WRN: variants seen among roughly 807,000 people sequenced by gnomAD.
WRN encodes bifunctional 3'-5' exonuclease/ATP-dependent helicase WRN.
Under a neutral mutation model 180.7 loss-of-function variants are expected in WRN, and 149 were observed. That is an observed-to-expected ratio of 0.82 (90% CI 0.72 to 0.94). The LOEUF (loss-of-function observed/expected upper bound fraction) is 0.94, where lower values mean the gene tolerates loss of function less well. Ranked by LOEUF, WRN falls within the 40% of genes least tolerant of loss-of-function variation. The pLI is 0.00. For synonymous variants in WRN, 548 were observed against 568.9 expected, an observed-to-expected ratio of 0.96 and a Z score of 0.52; for missense variants, 1,661 against 1,700.1, an observed-to-expected ratio of 0.98 and a Z score of 0.40.
intron 30 of WRN, 113 bp downstream of exon 30, chr8:31,147,589 ACT>A: frequency 6.2e-6 from 6 of 974,788 alleles, no homozygotes; most frequent in Non-Finnish European, 9.6e-6. Context: ...CTGGGAGGTG[ACT>A]CAGATTCCCC....
intron 18 of WRN, among the ~76,000 whole-genome samples, chr8:31,104,898 C>T (rs564204022): frequency 1.2e-4 from 18 of 152,114 alleles, no homozygotes; most frequent in Non-Finnish European, 1.8e-4. Context: ...TTGGTAGTAG[C>T]GAGGCAATGG....
chr8:31,133,556 A>T (rs1802270376), intron 24 of WRN, among the ~76,000 whole-genome samples: 1 of 152,150 alleles, frequency 6.6e-6, no homozygotes, highest in Non-Finnish European at 1.5e-5. Flanking sequence ...ATATTTATTA[A>T]ATTAGTTGTG....
At chr8:31,140,932 T>G (rs897167906) in intron 24 of WRN, among the ~76,000 whole-genome samples, 1 of 152,108 alleles carries the variant, frequency 6.6e-6, no homozygotes, top group Admixed American at 6.6e-5. Context: ...ATTTTTTGTA[T>G]TTTTAGTAGA....
At chr8:31,064,788 A>C in intron 4 of WRN, 127 bp from the exon 5 acceptor site, 1 of 1,128,670 alleles carries the variant, frequency 8.9e-7, no homozygotes, top group Non-Finnish European at 1.3e-6. Flanking sequence ...ACTCAAGGTC[A>C]ATGTGTTTCT....
intron 24 of WRN, among the ~76,000 whole-genome samples, chr8:31,140,460 T>C (rs11574335): frequency 0.012 from 1,758 of 152,300 alleles, 25 homozygotes; most frequent in African/African-American, 0.04. Context: ...ACAACAGAAT[T>C]GCATATGACA....
chr8:31,123,722 A>C (rs1801812993), intron 21 of WRN, among the ~76,000 whole-genome samples: 1 of 152,122 alleles, frequency 6.6e-6, no homozygotes, highest in African/African-American at 2.4e-5. Flanking sequence ...GAAATATCTG[A>C]AACCTAGTTA....
intron 18 of WRN, among the ~76,000 whole-genome samples, chr8:31,104,022 C>G (rs557883805): frequency 2.0e-5 from 3 of 152,264 alleles, no homozygotes; most frequent in Non-Finnish European, 4.4e-5. Context: ...GCGTGAGCCA[C>G]TGCGCCCGGC....
chr8:31,093,131 A>C (rs1284026802), intron 16 of WRN, among the ~76,000 whole-genome samples: 2 of 151,906 alleles, frequency 1.3e-5, no homozygotes, highest in South Asian at 2.1e-4. Context: ...TAGAGACAGG[A>C]TCTTGCTTGG....
intron 6 of WRN, 133 bp from the exon 7 acceptor site, chr8:31,068,125 T>G: frequency 1.5e-6 from 1 of 657,300 alleles, no homozygotes; most frequent in Admixed American, 2.6e-5. Context: ...TTGATATTTG[T>G]GTCACATAAT....
Position 31,173,252 on chromosome 8 carries a change from AGCCTTCC to A in WRN, c.*153_*159del, listed in dbSNP as rs1804169695. On this transcript the variant is annotated 3_prime_UTR_variant, in exon 35 of 35. Coordinates refer to ENST00000298139, the MANE Select transcript of WRN (RefSeq NM_000553.6). ...TATTGAAGAACTGGCATCTTAAATC[AGCCTTCC>A]GCAATTCATGTAGTTTCTGGGTCTT... 2.6e-6 allele frequency: 2 copies of A among 769,940 alleles called. No individual in the cohort carries two copies. Among genetic ancestry groups the A allele is most frequent in the Non-Finnish European group, 4.3e-6 (2 of 462,414 alleles). The allele number at this position is 769,940 out of a possible 1,614,324, so 47.7% of individuals were successfully genotyped here. A position where few individuals can be genotyped will look rare whatever the true frequency, so the allele number is the denominator to read the frequency against.
rs1554536324 is a variant in WRN, at chr8:31,157,374, A to G, written c.3826A>G (p.Ile1276Val). ...FQEKKMPLKS[I>V]AESRILPLMT... ...TTTGCTGATCTTTCTCTAGAAGAGC[A>G]TAGCTGAGAGCAGGATTCTGCCTCT... Residue 1276 changes from isoleucine (I) to valine (V), a missense_variant, in exon 33 of 35, where the codon ATA becomes GTA. Coordinates refer to ENST00000298139, the MANE Select transcript of WRN (RefSeq NM_000553.6). 6.2e-7 allele frequency: 1 copy of G among 1,614,018 alleles called. No homozygotes were observed. Among genetic ancestry groups the G allele is most frequent in the Non-Finnish European group, 8.5e-7 (1 of 1,180,014 alleles).
At chr8:31,068,547 G>T (rs1812794821) in intron 7 of WRN, among the ~76,000 whole-genome samples, 1 of 152,118 alleles carries the variant, frequency 6.6e-6, no homozygotes, top group Non-Finnish European at 1.5e-5. Flanking sequence ...TTGTAGCATT[G>T]CTATGTATTT....
chr8:31,166,602 T>C (rs1021057039), intron 33 of WRN, among the ~76,000 whole-genome samples: 3 of 152,170 alleles, frequency 2.0e-5, no homozygotes, highest in Non-Finnish European at 4.4e-5. Flanking sequence ...TTTAAATAAA[T>C]TATTTTTATA....
chr8:31,101,595 T>C (rs1408026050), intron 18 of WRN, among the ~76,000 whole-genome samples: 1 of 151,994 alleles, frequency 6.6e-6, no homozygotes, highest in Non-Finnish European at 1.5e-5. Context: ...GAGACCAGCC[T>C]GGTCAACATG....
chr8:31,069,583 T>A (rs1222511610), intron 7 of WRN, among the ~76,000 whole-genome samples: 1 of 152,238 alleles, frequency 6.6e-6, no homozygotes, highest in African/African-American at 2.4e-5. Context: ...TTATAAGAAA[T>A]CCGGAGATGA....
chr8:31,168,497 C>A (rs1803984273), intron 34 of WRN, among the ~76,000 whole-genome samples: 1 of 104,392 alleles, frequency 9.6e-6, no homozygotes, highest in African/African-American at 3.8e-5. Context: ...TACATGTCAA[C>A]AAGAGAATGG....
intron 23 of WRN, among the ~76,000 whole-genome samples, chr8:31,126,397 A>G (rs550258740): frequency 6.6e-6 from 1 of 152,366 alleles, no homozygotes; most frequent in South Asian, 2.1e-4. Context: ...AAATAAATCC[A>G]TGAGTCAAAG....
intron 3 of WRN, among the ~76,000 whole-genome samples, chr8:31,061,089 A>C (rs550790159): frequency 8.5e-5 from 13 of 152,190 alleles, no homozygotes; most frequent in Admixed American, 2.6e-4. Flanking sequence ...CTCTTAGTAC[A>C]CACAAGTTTG....
At chr8:31,136,949 T>C (rs1162847979) in intron 24 of WRN, among the ~76,000 whole-genome samples, 1 of 152,156 alleles carries the variant, frequency 6.6e-6, no homozygotes, top group Non-Finnish European at 1.5e-5. Flanking sequence ...GTGGACAACC[T>C]ACAAAATTAA....
Sources: gnomAD v4.1 joint callset for allele counts (sites outside exome capture counted in the v4.1 genomes callset) on GRCh38, gnomAD v4.1.1 for gene constraint, MANE v1.5 for transcripts, NCBI Gene and HGNC (gene_info 2026-07-23, HGNC 2026-07-21) for gene names.